CNTNAP2: variants seen among roughly 807,000 people sequenced by gnomAD.
The protein encoded by CNTNAP2 is contactin associated protein 2, also known as contactin-associated protein-like 2.
CNTNAP2 carries 98 observed loss-of-function variants against 155.2 expected under a neutral mutation model. The ratio of observed to expected loss-of-function variants is 0.63; its 90% CI spans 0.54 to 0.75. CNTNAP2 has a LOEUF of 0.75. Among genes scored for constraint, CNTNAP2 ranks in the 30% least tolerant of loss-of-function variants. CNTNAP2 has a pLI of 0.00. For synonymous variants in CNTNAP2, 651 were observed against 631.2 expected (o/e 1.03, Z -0.47); for missense variants, 1,727 against 1,688.1 (o/e 1.02, Z -0.40).
intron 1 of CNTNAP2, among the ~76,000 whole-genome samples, chr7:146,757,269 A>T (rs1285852426): frequency 6.6e-6 from 1 of 152,062 alleles, no homozygotes; most frequent in African/African-American, 2.4e-5. Context: ...GTCATTATCT[A>T]TTACTTTGAT....
At chr7:148,128,435 C>A (rs1183246631) in intron 16 of CNTNAP2, among the ~76,000 whole-genome samples, 1 of 152,066 alleles carries the variant, frequency 6.6e-6, no homozygotes, top group East Asian at 1.9e-4. Context: ...CGATTTAAAC[C>A]TTTGATTTGA....
intron 1 of CNTNAP2, among the ~76,000 whole-genome samples, chr7:146,444,381 A>G (rs943459767): frequency 6.6e-6 from 1 of 152,180 alleles, no homozygotes; most frequent in South Asian, 2.1e-4. Context: ...AGAAATTTGT[A>G]TAGTGTAAAG....
chr7:148,167,802 G>C (rs1262176621), intron 17 of CNTNAP2, among the ~76,000 whole-genome samples: 1 of 152,132 alleles, frequency 6.6e-6, no homozygotes, highest in African/African-American at 2.4e-5. Context: ...CACAAGTGCA[G>C]GAAGAGAGAT....
chr7:146,371,070 A>AT (rs935003305), intron 1 of CNTNAP2, among the ~76,000 whole-genome samples: 7 of 151,998 alleles, frequency 4.6e-5, no homozygotes, highest in African/African-American at 1.7e-4. Context: ...TGTAATAATG[A>AT]TTTTTTTCTC....
chr7:146,407,007 G>A (rs961841697), intron 1 of CNTNAP2, among the ~76,000 whole-genome samples: 9 of 152,164 alleles, frequency 5.9e-5, no homozygotes, highest in African/African-American at 1.9e-4. Context: ...TAAATTATAG[G>A]ATGAGAGTTT....
intron 1 of CNTNAP2, among the ~76,000 whole-genome samples, chr7:146,280,125 G>A (rs1319370860): frequency 6.6e-6 from 1 of 152,032 alleles, no homozygotes; most frequent in Non-Finnish European, 1.5e-5. Flanking sequence ...TGGAAGTCAC[G>A]TCTATCTTTT....
At chr7:146,230,202 T>C (rs1036463269) in intron 1 of CNTNAP2, among the ~76,000 whole-genome samples, 7 of 152,236 alleles carry the variant, frequency 4.6e-5, no homozygotes, top group African/African-American at 1.7e-4. Context: ...AGGGACATTG[T>C]AGGACTAATG....
chr7:147,875,502 A>G (rs1370453942), intron 13 of CNTNAP2, among the ~76,000 whole-genome samples: 1 of 152,224 alleles, frequency 6.6e-6, no homozygotes, highest in East Asian at 1.9e-4. Flanking sequence ...TGGGAGCTAC[A>G]ATTCAAGATG....
chr7:147,113,825 C>T (rs1800932811), intron 5 of CNTNAP2, among the ~76,000 whole-genome samples: 1 of 151,988 alleles, frequency 6.6e-6, no homozygotes, highest in South Asian at 2.1e-4. Flanking sequence ...CAGTTTAGCT[C>T]TGATCTTGGT....
chr7:147,972,807 CA>C (rs144528346), intron 14 of CNTNAP2, among the ~76,000 whole-genome samples: 17,920 of 152,032 alleles, frequency 0.12, 1,566 homozygotes, highest in African/African-American at 0.25. Flanking sequence ...TAACTTTCAA[CA>C]AAGGCTCGTT....
intron 2 of CNTNAP2, among the ~76,000 whole-genome samples, chr7:146,790,670 C>T (rs1191359371): frequency 6.6e-6 from 1 of 151,494 alleles, no homozygotes; most frequent in Non-Finnish European, 1.5e-5. Context: ...CCCGGGTTCA[C>T]GCCATTCTCC....
intron 3 of CNTNAP2, among the ~76,000 whole-genome samples, chr7:146,842,524 T>G (rs34789463): frequency 1.3e-5 from 2 of 151,844 alleles, no homozygotes; most frequent in African/African-American, 2.4e-5. Context: ...ACTGGGTAAT[T>G]TACGAAGAAA....
At chr7:147,581,908 A>G (rs969429288) in intron 12 of CNTNAP2, among the ~76,000 whole-genome samples, 1 of 152,180 alleles carries the variant, frequency 6.6e-6, no homozygotes, top group Non-Finnish European at 1.5e-5. Context: ...CTATTTATAC[A>G]TATAAATAAT....
chr7:146,879,246 A>G (rs912301144), intron 3 of CNTNAP2, among the ~76,000 whole-genome samples: 2 of 152,170 alleles, frequency 1.3e-5, no homozygotes, highest in African/African-American at 4.8e-5. Flanking sequence ...AGATGTTGGC[A>G]TAGATGATAA....
At chr7:148,132,437 C>A (rs935360691) in intron 16 of CNTNAP2, among the ~76,000 whole-genome samples, 1 of 143,826 alleles carries the variant, frequency 7.0e-6, no homozygotes, top group African/African-American at 2.6e-5. Context: ...GGATTGTGCT[C>A]TAGAAGTTTC....
chr7:147,435,262 G>T (rs1041616751), intron 10 of CNTNAP2, among the ~76,000 whole-genome samples: 2 of 152,092 alleles, frequency 1.3e-5, no homozygotes, highest in Non-Finnish European at 2.9e-5. Flanking sequence ...TCATTGCAGG[G>T]TATTATTAAG....
chr7:148,313,938 A>G (rs1797640834), intron 21 of CNTNAP2, among the ~76,000 whole-genome samples: 1 of 152,224 alleles, frequency 6.6e-6, no homozygotes, highest in Non-Finnish European at 1.5e-5. Context: ...GAAAAGGAGC[A>G]TTAACCTTGA....
At chr7:147,157,283 C>T (rs190539595) in intron 8 of CNTNAP2, among the ~76,000 whole-genome samples, 55 of 152,186 alleles carry the variant, frequency 3.6e-4, no homozygotes, top group African/African-American at 1.3e-3. Context: ...TGTTGACATG[C>T]AAATATTTCT....
intron 5 of CNTNAP2, among the ~76,000 whole-genome samples, chr7:147,116,677 T>C (rs1195010371): frequency 6.6e-6 from 1 of 151,122 alleles, no homozygotes; most frequent in African/African-American, 2.4e-5. Context: ...AATGACTGAA[T>C]TGTCCAAACA....
Sources: allele counts gnomAD v4.1 joint callset (sites outside exome capture counted in the v4.1 genomes callset), GRCh38; gene constraint gnomAD v4.1.1; transcripts MANE v1.5; gene names NCBI Gene and HGNC (gene_info 2026-07-23, HGNC 2026-07-21).